ASAP1: variants seen among roughly 807,000 people sequenced by gnomAD.
The protein encoded by ASAP1 is arf-GAP with SH3 domain, ANK repeat and PH domain-containing protein 1.
Under a neutral mutation model 145.2 loss-of-function variants are expected in ASAP1, and 43 were observed. That is an observed-to-expected ratio of 0.30 (90% CI 0.23 to 0.38). The LOEUF (loss-of-function observed/expected upper bound fraction) is 0.38. ASAP1 is among the 10% of genes least tolerant of loss of function. The probability of loss-of-function intolerance (pLI) is 1.00; values close to 1 mark genes in which losing one functional copy is unlikely to be tolerated. For synonymous variants in ASAP1, 546 were observed against 515.5 expected, an observed-to-expected ratio of 1.06 and a Z score of -0.80; for missense variants, 1,018 against 1,355.3, an observed-to-expected ratio of 0.75 and a Z score of 3.91.
intron 2 of ASAP1, among the ~76,000 whole-genome samples, chr8:130,377,054 T>C (rs1203758584): frequency 6.6e-6 from 1 of 152,028 alleles, no homozygotes; most frequent in Non-Finnish European, 1.5e-5. Flanking sequence ...ATCTTCCCCA[T>C]GACAAACCTC....
chr8:130,071,037 A>G (rs1367133641), intron 27 of ASAP1, among the ~76,000 whole-genome samples: 2 of 110,444 alleles, frequency 1.8e-5, no homozygotes, highest in African/African-American at 3.8e-5. Context: ...AGAGAGAGAG[A>G]GAGAGAGAGA....
chr8:130,130,370 T>C (rs2097581156), intron 15 of ASAP1, among the ~76,000 whole-genome samples: 1 of 152,210 alleles, frequency 6.6e-6, no homozygotes, highest in African/African-American at 2.4e-5. Context: ...TCCATTTGCC[T>C]CTTTACTCAG....
intron 3 of ASAP1, among the ~76,000 whole-genome samples, chr8:130,267,103 AAAACAAAC>A (rs768179280): frequency 1.8e-5 from 2 of 110,326 alleles, no homozygotes; most frequent in East Asian, 2.7e-4. Flanking sequence ...ACTCTGTCTC[AAAACAAAC>A]AAACAAACAA....
chr8:130,086,105 C>T (rs533528175), intron 25 of ASAP1, among the ~76,000 whole-genome samples: 9 of 152,368 alleles, frequency 5.9e-5, no homozygotes, highest in African/African-American at 1.7e-4. Flanking sequence ...GCCTTCTCCA[C>T]ACTTCAGCTT....
At chr8:130,093,666 CAAAAAAAA>C (rs71572317) in intron 24 of ASAP1, among the ~76,000 whole-genome samples, 2 of 52,204 alleles carry the variant, frequency 3.8e-5, no homozygotes, top group East Asian at 7.8e-4. Context: ...GACTCCGTCT[CAAAAAAAA>C]AAAAAAAAAA....
chr8:130,277,801 C>T (rs1565163914), intron 3 of ASAP1, among the ~76,000 whole-genome samples: 1 of 152,138 alleles, frequency 6.6e-6, no homozygotes. Flanking sequence ...CTTTGCCACT[C>T]ATATTGTGTC....
chr8:130,190,578 C>T (rs2136239978), intron 5 of ASAP1, among the ~76,000 whole-genome samples: 1 of 152,222 alleles, frequency 6.6e-6, no homozygotes, highest in East Asian at 1.9e-4. Flanking sequence ...AGTGCAGTGG[C>T]ATGATCTCTG....
intron 4 of ASAP1, among the ~76,000 whole-genome samples, chr8:130,235,834 T>C (rs894901946): frequency 6.6e-6 from 1 of 152,164 alleles, no homozygotes; most frequent in Non-Finnish European, 1.5e-5. Context: ...ATAAAGTACC[T>C]GAGGGTTTTG....
chr8:130,118,008 A>C (rs1234158507), intron 20 of ASAP1, among the ~76,000 whole-genome samples, 153 bp downstream of exon 20: 1 of 152,234 alleles, frequency 6.6e-6, no homozygotes. Flanking sequence ...TCTGACAGAG[A>C]GACTTCATGC....
At chr8:130,338,735 G>A (rs549283331) in intron 3 of ASAP1, among the ~76,000 whole-genome samples, 2 of 152,276 alleles carry the variant, frequency 1.3e-5, no homozygotes, top group South Asian at 4.1e-4. Flanking sequence ...TGAATGCTGA[G>A]GACAATCCCA....
At chr8:130,283,325 A>G (rs1029411950) in intron 3 of ASAP1, among the ~76,000 whole-genome samples, 2 of 152,196 alleles carry the variant, frequency 1.3e-5, no homozygotes, top group African/African-American at 4.8e-5. Context: ...TCACGCCTGT[A>G]ATCCCAGCAC....
rs573407376 is a variant in ASAP1 at position 130,420,494 on chromosome 8, G to A, written c.-27-18524C>T. ...GAATGTTCATAGCAGCACTATTCAC[G>A]ATGGCCAGGAGGTGGAAACAACCCA... On this transcript the variant is annotated intron_variant, in intron 1 of 29. Transcript: ENST00000518721. Among the ~76,000 whole-genome samples, 8 of 152,268 alleles carry A rather than the reference G, an allele frequency of 5.3e-5. 1 individual carries two copies. The highest frequency in any genetic ancestry group is 4.1e-4 in the South Asian group (2 of 4,820).
chr8:130,366,423 T>C (rs1350494349), intron 2 of ASAP1, among the ~76,000 whole-genome samples: 1 of 152,102 alleles, frequency 6.6e-6, no homozygotes, highest in Non-Finnish European at 1.5e-5. Flanking sequence ...ATTTCTCCTT[T>C]TCTCAAGTCC....
intron 3 of ASAP1, among the ~76,000 whole-genome samples, chr8:130,333,129 T>C (rs974537669): frequency 4.6e-5 from 7 of 152,182 alleles, no homozygotes; most frequent in African/African-American, 1.7e-4. Flanking sequence ...TACAATTATA[T>C]ATCTACTCCA....
intron 3 of ASAP1, among the ~76,000 whole-genome samples, chr8:130,300,538 T>A (rs1011437948): frequency 7.9e-5 from 12 of 152,234 alleles, no homozygotes; most frequent in African/African-American, 2.9e-4. Flanking sequence ...AGTTTCTGAT[T>A]TAATTGTCTA....
intron 3 of ASAP1, among the ~76,000 whole-genome samples, chr8:130,302,404 G>C (rs910947418): frequency 3.9e-5 from 6 of 152,198 alleles, no homozygotes; most frequent in African/African-American, 1.4e-4. Flanking sequence ...CTCAAAGGCA[G>C]AAAGAGATGA....
intron 2 of ASAP1, among the ~76,000 whole-genome samples, chr8:130,392,513 G>A (rs539673129): frequency 6.6e-6 from 1 of 152,280 alleles, no homozygotes; most frequent in South Asian, 2.1e-4. Context: ...GTGTTTTAGA[G>A]GTACTATCCC....
At chr8:130,246,766 A>C (rs977930230) in intron 3 of ASAP1, among the ~76,000 whole-genome samples, 8 of 152,156 alleles carry the variant, frequency 5.3e-5, no homozygotes, top group African/African-American at 1.7e-4. Flanking sequence ...GCCATTCCAT[A>C]CATTCTGTAA....
At chr8:130,205,320 A>G (rs988571644) in intron 5 of ASAP1, among the ~76,000 whole-genome samples, 1 of 151,764 alleles carries the variant, frequency 6.6e-6, no homozygotes, top group Admixed American at 6.6e-5. Flanking sequence ...TGAAAATGCA[A>G]TCCTATTTAA....
Sources: allele counts gnomAD v4.1 joint callset (sites outside exome capture counted in the v4.1 genomes callset), GRCh38; gene constraint gnomAD v4.1.1; transcripts MANE v1.5; gene names NCBI Gene and HGNC (gene_info 2026-07-23, HGNC 2026-07-21).